Variants in ROBO1 observed in about 807,000 individuals in gnomAD.
The protein encoded by ROBO1 is roundabout guidance receptor 1.
In ROBO1, 149 loss-of-function variants were observed where a neutral mutation model predicts 195.9. That is an observed-to-expected ratio of 0.76 (90% CI 0.67 to 0.87). ROBO1 has a LOEUF of 0.87. ROBO1 is among the 40% of genes least tolerant of loss of function. The pLI, the probability that ROBO1 is intolerant of heterozygous loss-of-function variation, is 0.00. For missense variants in ROBO1, 1,933 were observed against 2,068.3 expected, an observed-to-expected ratio of 0.93 and a Z score of 1.27; for synonymous variants, 816 against 733.2, an observed-to-expected ratio of 1.11 and a Z score of -1.82.
At chr3:79,569,735 A>G (rs1297246733) in intron 2 of ROBO1, among the ~76,000 whole-genome samples, 7 of 151,510 alleles carry the variant, frequency 4.6e-5, no homozygotes, top group East Asian at 1.9e-4. Context: ...GTGTATGTGT[A>G]TATATATATG....
At chr3:79,410,221 T>C (rs1411826151) in intron 2 of ROBO1, among the ~76,000 whole-genome samples, 1 of 152,166 alleles carries the variant, frequency 6.6e-6, no homozygotes, top group African/African-American at 2.4e-5. Context: ...AATAATGGTA[T>C]GTATTTTCAC....
intron 2 of ROBO1, among the ~76,000 whole-genome samples, chr3:79,256,040 AC>A (rs1179599476): frequency 3.3e-5 from 5 of 152,184 alleles, no homozygotes; most frequent in Admixed American, 1.3e-4. Flanking sequence ...TCCATTGAAT[AC>A]AAACTTCTGA....
chr3:79,640,389 C>G (rs1386986387), intron 1 of ROBO1, among the ~76,000 whole-genome samples: 4 of 150,022 alleles, frequency 2.7e-5, no homozygotes, highest in African/African-American at 9.9e-5. Flanking sequence ...GTGGGTGCTC[C>G]CTAGCAACTT....
intron 2 of ROBO1, among the ~76,000 whole-genome samples, chr3:79,206,977 A>G (rs2081879454): frequency 1.3e-5 from 2 of 152,208 alleles, no homozygotes; most frequent in African/African-American, 2.4e-5. Context: ...ACATGAGCTC[A>G]ATTTGCAAAA....
At chr3:79,062,231 A>G (rs550680683) in intron 3 of ROBO1, among the ~76,000 whole-genome samples, 3 of 152,324 alleles carry the variant, frequency 2.0e-5, no homozygotes, top group Admixed American at 6.5e-5. Flanking sequence ...TATGCAGCCC[A>G]CAGACATATG....
At position 78,622,207 on chromosome 3, in the gene ROBO1, C is replaced by T. The variant is rs570586942; in HGVS notation, c.3876-4166G>A. 2.1e-3 allele frequency among the ~76,000 whole-genome samples: 312 copies of T among 152,064 alleles called. 5 individuals carry two copies. The highest frequency in any genetic ancestry group is 7.2e-3 in the African/African-American group (297 of 41,498). ...CAGTTTTAGACAAAAATGGAATACC[C>T]TAGAAGTTCATTATAATACCAAAAT... is the stretch of plus-strand genomic sequence containing the variant. On this transcript the variant is annotated intron_variant, in intron 26 of 30. Coordinates refer to ENST00000464233, the MANE Select transcript of ROBO1 (RefSeq NM_002941.4).
chr3:79,600,063 T>C (rs935297617), intron 1 of ROBO1, among the ~76,000 whole-genome samples: 1 of 151,996 alleles, frequency 6.6e-6, no homozygotes, highest in African/African-American at 2.4e-5. Flanking sequence ...TTCAAAATGC[T>C]GTGCTTACAC....
intron 2 of ROBO1, among the ~76,000 whole-genome samples, chr3:79,133,471 C>T (rs201455436): frequency 0.066 from 7,317 of 110,674 alleles, 338 homozygotes; most frequent in East Asian, 0.17. Context: ...TCCAGTTGAT[C>T]GCATCGGCTC....
At chr3:79,490,044 T>G (rs1457356592) in intron 2 of ROBO1, among the ~76,000 whole-genome samples, 1 of 152,228 alleles carries the variant, frequency 6.6e-6, no homozygotes, top group East Asian at 1.9e-4. Context: ...GCCGAGGACT[T>G]TGAATACTAC....
At chr3:79,110,075 G>T (rs979649941) in intron 3 of ROBO1, among the ~76,000 whole-genome samples, 1 of 152,002 alleles carries the variant, frequency 6.6e-6, no homozygotes, top group African/African-American at 2.4e-5. Flanking sequence ...TAGGAAAATT[G>T]CTTTAATCTC....
chr3:79,016,702 A>G (rs1029151188), intron 3 of ROBO1, among the ~76,000 whole-genome samples: 1 of 151,048 alleles, frequency 6.6e-6, no homozygotes, highest in Admixed American at 6.6e-5. Context: ...ACTCAACTCA[A>G]ACAGTGACTA....
chr3:78,916,207 G>T (rs1019764194), intron 4 of ROBO1, among the ~76,000 whole-genome samples: 2 of 129,052 alleles, frequency 1.5e-5, no homozygotes, highest in Non-Finnish European at 3.2e-5. Flanking sequence ...CCGAGATCGC[G>T]CCACTGCACT....
chr3:78,773,497 T>C (rs1223322793), intron 4 of ROBO1, among the ~76,000 whole-genome samples: 2 of 152,156 alleles, frequency 1.3e-5, no homozygotes, highest in Non-Finnish European at 2.9e-5. Flanking sequence ...TAAAAGAGAT[T>C]TAAAAATCCA....
chr3:78,798,721 T>A (rs2084260863), intron 4 of ROBO1, among the ~76,000 whole-genome samples: 1 of 152,184 alleles, frequency 6.6e-6, no homozygotes, highest in Admixed American at 6.5e-5. Context: ...TGTCAAAACA[T>A]CAAGTAATCC....
chr3:79,686,557 A>T (rs1483305490), intron 1 of ROBO1, among the ~76,000 whole-genome samples: 2 of 152,186 alleles, frequency 1.3e-5, no homozygotes, highest in African/African-American at 4.8e-5. Flanking sequence ...AAAAATCACA[A>T]GCATTCTTAT....
chr3:79,326,563 T>C, intron 2 of ROBO1, among the ~76,000 whole-genome samples: 1 of 152,074 alleles, frequency 6.6e-6, no homozygotes, highest in East Asian at 1.9e-4. Flanking sequence ...AAGGTAAGCA[T>C]AAAAGAAAAT....
chr3:79,633,353 C>T (rs78885078), intron 1 of ROBO1, among the ~76,000 whole-genome samples: 106 of 119,800 alleles, frequency 8.8e-4, no homozygotes, highest in Middle Eastern at 9.7e-3. Flanking sequence ...TTTTGCATTT[C>T]TTTTTTTTTT....
At position 78,673,562 on chromosome 3, in the gene ROBO1, T is replaced by TATA. The variant is rs1708201366; in HGVS notation, c.1343-3262_1343-3261insTAT. Among the ~76,000 whole-genome samples, 72 of 63,358 alleles carry TATA rather than the reference T, an allele frequency of 1.1e-3. 1 individual carries two copies. Among genetic ancestry groups the TATA allele is most frequent in the Non-Finnish European group, 1.6e-3 (50 of 30,932 alleles). The allele number at this position is 63,358 out of a possible 152,430, so 41.6% of individuals were successfully genotyped here. A position where few individuals can be genotyped will look rare whatever the true frequency, so the allele number is the denominator to read the frequency against. ...ATATTACAGCTAGGTTACATATATT[T>TATA]TATATATATATATATATATATATAT... is the stretch of plus-strand genomic sequence containing the variant. On this transcript the variant is annotated intron_variant, in intron 10 of 30. Coordinates refer to ENST00000464233, the MANE Select transcript of ROBO1 (RefSeq NM_002941.4).
At chr3:79,742,417 G>A (rs982202398) in intron 1 of ROBO1, among the ~76,000 whole-genome samples, 12 of 152,100 alleles carry the variant, frequency 7.9e-5, no homozygotes, top group East Asian at 1.9e-4. Context: ...TCAGGCTGCC[G>A]CTTCAGAGGG....
Sources: allele counts gnomAD v4.1 joint callset (sites outside exome capture counted in the v4.1 genomes callset), GRCh38; gene constraint gnomAD v4.1.1; transcripts MANE v1.5; gene names NCBI Gene and HGNC (gene_info 2026-07-23, HGNC 2026-07-21).